Variants in ALMS1 observed in about 807,000 individuals in gnomAD.
ALMS1 encodes the protein centrosome-associated protein ALMS1.
Under a neutral mutation model 352.2 loss-of-function variants are expected in ALMS1, and 271 were observed. The observed-to-expected ratio is 0.77, with a 90% CI of 0.70 to 0.85. The LOEUF is 0.85. Among genes scored for constraint, ALMS1 ranks in the 40% least tolerant of loss-of-function variants. The pLI is 0.00. For synonymous variants in ALMS1, 1,865 were observed against 1,761.2 expected (o/e 1.06, Z -1.48); for missense variants, 5,445 against 4,870.7 (o/e 1.12, Z -3.51).
In ALMS1 at chr2:73,386,208, G is replaced by A. The variant is rs1276086207; in HGVS notation, c.324+16G>A. On this transcript the variant is annotated intron_variant, in intron 1 of 22. Transcript: ENST00000613296. ...CCTGGAGAAGGTGAGGCGGGCCGGG[G>A]AGGGGTGTGGAGCCGCGGCGAGTTG... 6.6e-7 allele frequency: 1 copy of A among 1,514,696 alleles called. No individual in the cohort carries two copies. Among genetic ancestry groups the A allele is most frequent in the African/African-American group, 1.4e-5 (1 of 71,522 alleles). The allele number at this position is 1,514,696 out of a possible 1,614,324, so 93.8% of individuals were successfully genotyped here. A position where few individuals can be genotyped will look rare whatever the true frequency, so the allele number is the denominator to read the frequency against.
intron 2 of ALMS1, 142 bp downstream of exon 2, chr2:73,408,889 T>C (rs1671023853): frequency 1.0e-5 from 8 of 781,100 alleles, no homozygotes; most frequent in Non-Finnish European, 1.4e-5. Flanking sequence ...TTTTTTTTTT[T>C]TAAGACAGGG....
At chr2:73,478,146 T>C (rs1345632895) in intron 9 of ALMS1, among the ~76,000 whole-genome samples, 1 of 152,200 alleles carries the variant, frequency 6.6e-6, no homozygotes, top group Non-Finnish European at 1.5e-5. Flanking sequence ...CTTCCATTCC[T>C]AGTTTGCTGA....
chr2:73,594,856 G>A (rs1419091236), intron 16 of ALMS1, among the ~76,000 whole-genome samples: 3 of 152,170 alleles, frequency 2.0e-5, no homozygotes, highest in African/African-American at 4.8e-5. Context: ...TCTCCTTTCT[G>A]AGTTTGGCAG....
At position 73,491,634 on chromosome 2, in the gene ALMS1, G is replaced by C. The variant is rs1033631082; in HGVS notation, c.9539+136G>C. ...GGAGGTTGTGTCTGGCTAATTACTA[G>C]AAGTCTTTCAAGGAATAAATGTGTT... On this transcript the variant is annotated intron_variant, in intron 10 of 22. Transcript: ENST00000613296. The C allele has an allele frequency of 1.7e-5, 16 of 929,372 alleles. No individual in the cohort carries two copies. In the African/African-American group the frequency reaches 2.1e-4, roughly 12 times the overall value. The allele number at this position is 929,372 out of a possible 1,614,324, so 57.6% of individuals were successfully genotyped here.
intron 11 of ALMS1, among the ~76,000 whole-genome samples, chr2:73,533,891 T>C (rs1391196662): frequency 6.6e-6 from 1 of 152,198 alleles, no homozygotes; most frequent in African/African-American, 2.4e-5. Context: ...GAAAACTTCA[T>C]GAATGGTGTA....
chr2:73,513,564 G>A (rs116786960), intron 10 of ALMS1, among the ~76,000 whole-genome samples: 2,149 of 152,214 alleles, frequency 0.014, 54 homozygotes, highest in African/African-American at 0.049. Flanking sequence ...CCCTTACCCT[G>A]TATGACACCC....
chr2:73,600,960 A>C (rs1372034638), intron 18 of ALMS1, 79 bp downstream of exon 18: 1 of 1,508,054 alleles, frequency 6.6e-7, no homozygotes, highest in African/African-American at 1.4e-5. Context: ...CTGTGTTTCC[A>C]AGTGACTCTA....
Position 73,424,530 on chromosome 2 carries a change from G to T in ALMS1, c.865G>T (p.Ala289Ser). ...TACTGCAGAAGTAGCTTCAGACTTA[G>T]CAAGCAGTCGCTTTAGTGTATCTCA... ...QATAEVASDLASSRFSVSQHP... is the reference protein window; with the variant it reads ...QATAEVASDLSSSRFSVSQHP... The change falls in exon 5 of 23, where the codon GCA becomes TCA. Residue 289 changes from alanine to serine, a missense_variant. Ala to Ser is a moderately conservative substitution (Grantham distance 99). Transcript: ENST00000613296. The T allele has an allele frequency of 6.2e-7, 1 of 1,611,818 alleles. No homozygotes were observed. Among genetic ancestry groups the T allele is most frequent in the South Asian group, 1.1e-5 (1 of 90,720 alleles).
At position 73,385,918 on chromosome 2, in the gene ALMS1, A is replaced by AGGG; in HGVS notation, c.52_53insGGG (p.Glu17_Glu18insGly). On this transcript the variant is annotated inframe_insertion, in exon 1 of 23. Transcript: ENST00000613296. ...CCGGGCGAGCTGGAGGAGGAGGAGGAGGAGGAGGAGGAGGAGGAGGAGGAA... is the reference window on the plus strand; with the variant it reads ...CCGGGCGAGCTGGAGGAGGAGGAGGAGGGGGAGGAGGAGGAGGAGGAGGAGGAA... 1.1e-6 allele frequency: 1 copy of AGGG among 879,750 alleles called. No individual in the cohort carries two copies. Among genetic ancestry groups the AGGG allele is most frequent in the East Asian group, 2.7e-5 (1 of 37,412 alleles). 54.5% of individuals were successfully genotyped at this position (879,750 alleles called of 1,614,324 possible).
intron 13 of ALMS1, among the ~76,000 whole-genome samples, chr2:73,551,033 T>A (rs188582342): frequency 7.1e-6 from 1 of 141,754 alleles, no homozygotes; most frequent in East Asian, 1.9e-4. Context: ...TGATGGGGGG[T>A]TTTTTGTAGT....
chr2:73,581,776 T>A (rs1675185505), intron 16 of ALMS1, among the ~76,000 whole-genome samples: 1 of 151,474 alleles, frequency 6.6e-6, no homozygotes, highest in Non-Finnish European at 1.5e-5. Context: ...TGAGACGTAG[T>A]CTCTATTGCC....
At chr2:73,515,215 A>T (rs903201858) in intron 10 of ALMS1, among the ~76,000 whole-genome samples, 1 of 152,154 alleles carries the variant, frequency 6.6e-6, no homozygotes, top group Non-Finnish European at 1.5e-5. Flanking sequence ...CAGTTGAATC[A>T]GATTTTAGAT....
chr2:73,550,135 C>T lies in ALMS1; in HGVS notation c.9908-132C>T, dbSNP rs555994246. ...TCCACCTTCCAAAGTGCTGGGATTA[C>T]AGGCATGAGCCATCGTGCCTGGCCT... On this transcript the variant is annotated intron_variant, in intron 12 of 22. Transcript: ENST00000613296. 1.0e-5 allele frequency: 9 copies of T among 875,306 alleles called. No individual in the cohort carries two copies. In the African/African-American group the frequency reaches 1.3e-4, roughly 13 times the overall value. 54.2% of individuals were successfully genotyped at this position (875,306 alleles called of 1,614,324 possible).
In ALMS1 at chr2:73,453,521, A is replaced by G. The variant is rs1385484047; in HGVS notation, c.6994A>G (p.Ile2332Val). Residue 2332 changes from isoleucine (I) to valine (V), a missense_variant, in exon 8 of 23, where the codon ATA becomes GTA. Physicochemically the swap from Ile to Val is conservative, Grantham distance 29. Transcript: ENST00000613296. ...AGAGGAAAGCCCAAGCAGCAGGTGC[A>G]TACAGAAGGATATTGGCACACAGAC... Reference protein sequence around the residue: ...FTEESPSSRCIQKDIGTQTNL... With the variant: ...FTEESPSSRCVQKDIGTQTNL... 6.2e-7 allele frequency: 1 copy of G among 1,613,850 alleles called. No homozygotes were observed. Among genetic ancestry groups the G allele is most frequent in the East Asian group, 2.2e-5 (1 of 44,850 alleles).
intron 1 of ALMS1, among the ~76,000 whole-genome samples, chr2:73,403,272 A>G (rs1308439331): frequency 1.3e-5 from 2 of 152,176 alleles, no homozygotes; most frequent in African/African-American, 4.8e-5. Flanking sequence ...TCTCAGCACC[A>G]TTATTTGAAG....
chr2:73,575,103 C>T lies in ALMS1; in HGVS notation c.11547+1679C>T, dbSNP rs565303032. Reference sequence around the variant, plus strand: ...CATGACATAACATGTATCAATACTTCGTTGCTTTTTATAGCTGAGTATTAT... The same window carrying T: ...CATGACATAACATGTATCAATACTTTGTTGCTTTTTATAGCTGAGTATTAT... On this transcript the variant is annotated intron_variant, in intron 16 of 22. Coordinates refer to ENST00000613296, the MANE Select transcript of ALMS1 (RefSeq NM_001378454.1). Among the ~76,000 whole-genome samples, 38 of 152,246 alleles carry T rather than the reference C, an allele frequency of 2.5e-4. No individual in the cohort carries two copies. The Middle Eastern group carries it at 0.01, about 41-fold the overall frequency.
At chr2:73,466,041 A>G (rs371065548) in intron 9 of ALMS1, among the ~76,000 whole-genome samples, 8 of 152,142 alleles carry the variant, frequency 5.3e-5, no homozygotes, top group African/African-American at 7.2e-5. Context: ...TGGTGGGACT[A>G]TAAACTAGTT....
chr2:73,429,662 C>T (rs1431010543), intron 6 of ALMS1, among the ~76,000 whole-genome samples: 2 of 152,212 alleles, frequency 1.3e-5, no homozygotes, highest in East Asian at 1.9e-4. Context: ...GATTTCTTTT[C>T]TCTCCCCTTC....
intron 9 of ALMS1, among the ~76,000 whole-genome samples, chr2:73,473,726 G>A (rs780395): frequency 0.51 from 77,064 of 151,994 alleles, 22,474 homozygotes; most frequent in East Asian, 0.77. Context: ...TTCTGCAGCT[G>A]AAAAGTACAG....
Sources: gnomAD v4.1 joint callset for allele counts (sites outside exome capture counted in the v4.1 genomes callset) on GRCh38, gnomAD v4.1.1 for gene constraint, MANE v1.5 for transcripts, NCBI Gene and HGNC (gene_info 2026-07-23, HGNC 2026-07-21) for gene names.